TEX9: variants seen among roughly 807,000 people sequenced by gnomAD.
TEX9 encodes the protein testis-expressed protein 9.
Under a neutral mutation model 59.6 loss-of-function variants are expected in TEX9, and 74 were observed. That is an observed-to-expected ratio of 1.24 (90% CI 1.03 to 1.51). The LOEUF is 1.51. Ranked by LOEUF, TEX9 falls within the 40% of genes most tolerant of loss-of-function variation. The pLI is 0.00. For missense variants in TEX9, 522 were observed against 447.8 expected, an observed-to-expected ratio of 1.17 and a Z score of -1.49; for synonymous variants, 186 against 152.2, an observed-to-expected ratio of 1.22 and a Z score of -1.64.
At chr15:56,448,141 T>C (rs1261059368), downstream of TEX9, among the ~76,000 whole-genome samples, 1 of 152,240 alleles carries the variant, frequency 6.6e-6, no homozygotes, top group Non-Finnish European at 1.5e-5. Flanking sequence ...TCACAGGCTT[T>C]CATTTCTCTT....
chr15:56,403,009 C>G (rs907422610), intron 9 of TEX9, among the ~76,000 whole-genome samples: 4 of 152,166 alleles, frequency 2.6e-5, no homozygotes, highest in Admixed American at 6.5e-5. Flanking sequence ...CTATTTATGA[C>G]AAACCCACAG....
At chr15:56,380,699 T>C (rs908907124) in intron 3 of TEX9, among the ~76,000 whole-genome samples, 7 of 152,310 alleles carry the variant, frequency 4.6e-5, no homozygotes, top group Admixed American at 2.0e-4. Context: ...ATTCTAAGGT[T>C]AAAATCTATA....
intron 4 of TEX9, among the ~76,000 whole-genome samples, chr15:56,386,771 AGAT>A (rs1354701740): frequency 2.0e-5 from 3 of 151,944 alleles, no homozygotes; most frequent in African/African-American, 7.2e-5. Flanking sequence ...TGCTAACAAC[AGAT>A]GATGATGTTG....
rs774191123 is a variant in TEX9 at position 56,293,377 on chromosome 15, T to TA, written c.-107+49107dup. On this transcript the variant is annotated intron_variant, in intron 1 of 5. Coordinates refer to the TEX9 transcript ENST00000560827. ...AGTCCCTTCTTTGCCATCTAAAAAA[T>TA]AAAAAAAATAAAAAGAAGGAAAAAA... 3.5e-3 allele frequency among the ~76,000 whole-genome samples: 530 copies of TA among 150,822 alleles called. 4 individuals carry two copies. Among genetic ancestry groups the TA allele is most frequent in the Non-Finnish European group, 3.5e-3 (235 of 67,632 alleles).
intron 1 of TEX9, among the ~76,000 whole-genome samples, chr15:56,331,597 T>G (rs917033766): frequency 6.6e-6 from 1 of 152,058 alleles, no homozygotes; most frequent in African/African-American, 2.4e-5. Flanking sequence ...AAAAATTTCT[T>G]GAAACAAATA....
chr15:56,310,541 C>G (rs1243779210), intron 1 of TEX9, among the ~76,000 whole-genome samples: 1 of 152,186 alleles, frequency 6.6e-6, no homozygotes, highest in South Asian at 2.1e-4. Flanking sequence ...CCAAGTAGAG[C>G]TTGGTCAAGG....
At chr15:56,385,434 A>G (rs1395882588) in intron 4 of TEX9, among the ~76,000 whole-genome samples, 1 of 152,154 alleles carries the variant, frequency 6.6e-6, no homozygotes, top group Non-Finnish European at 1.5e-5. Context: ...CCTCAATGCA[A>G]GGATCAGATT....
chr15:56,313,102 T>C (rs575053706), intron 1 of TEX9, among the ~76,000 whole-genome samples: 13 of 151,338 alleles, frequency 8.6e-5, no homozygotes, highest in African/African-American at 2.4e-4. Flanking sequence ...CAGGGACAAT[T>C]TGACTTCCTC....
rs1165081795 is a variant in TEX9, at chr15:56,372,320, CT to C, written c.120-1112del. Among the ~76,000 whole-genome samples the C allele has an allele frequency of 1.4e-4, 21 of 151,092 alleles. No homozygotes were observed. The South Asian group carries it at 2.3e-3, about 17-fold the overall frequency. On this transcript the variant is annotated intron_variant, in intron 2 of 12. Coordinates refer to ENST00000352903, the Ensembl canonical transcript of TEX9. ...AAGGATATGGTACTAATCTCCCCCC[CT>C]TTTTTTTTCCCTGGGGGTGGAGATG...
intron 1 of TEX9, among the ~76,000 whole-genome samples, chr15:56,312,949 CTGT>C: frequency 7.6e-6 from 1 of 130,962 alleles, no homozygotes; most frequent in South Asian, 2.6e-4. Flanking sequence ...CTCTGTTTGT[CTGT>C]TGTTGGTGTA....
intron 10 of TEX9, among the ~76,000 whole-genome samples, chr15:56,426,626 T>TATATATATATATACACAC (rs1214988827): frequency 3.4e-4 from 16 of 47,190 alleles, no homozygotes; most frequent in Non-Finnish European, 7.1e-4. Context: ...TATATATATA[T>TATATATATATATACACAC]ACACACACAC....
At chr15:56,435,372 A>C (rs969313396) in intron 12 of TEX9, among the ~76,000 whole-genome samples, 4 of 152,020 alleles carry the variant, frequency 2.6e-5, no homozygotes, top group African/African-American at 9.7e-5. Context: ...TATTGGTGAA[A>C]CAAAAGGCTG....
chr15:56,436,265 CA>C (rs1310883693), intron 12 of TEX9, among the ~76,000 whole-genome samples: 1 of 152,146 alleles, frequency 6.6e-6, no homozygotes, highest in Non-Finnish European at 1.5e-5. Flanking sequence ...TCTCTCAGAC[CA>C]CAGTGCAATC....
At chr15:56,309,700 T>TTG (rs1369508726) in intron 1 of TEX9, among the ~76,000 whole-genome samples, 5 of 125,874 alleles carry the variant, frequency 4.0e-5, no homozygotes, top group African/African-American at 1.2e-4. Flanking sequence ...GAAGTTTTTT[T>TTG]TTTTTTTTTT....
At chr15:56,362,177 T>C (rs187530555), upstream of TEX9, among the ~76,000 whole-genome samples, 3 of 152,340 alleles carry the variant, frequency 2.0e-5, no homozygotes, top group Admixed American at 1.3e-4. Context: ...TCAAGCTAAT[T>C]GATGGTGCTG....
At chr15:56,369,306 C>T (rs1205854938) in intron 2 of TEX9, among the ~76,000 whole-genome samples, 2 of 151,748 alleles carry the variant, frequency 1.3e-5, no homozygotes, top group African/African-American at 2.4e-5. Flanking sequence ...TCTCCCACCC[C>T]AGCCTCCCGA....
intron 9 of TEX9, among the ~76,000 whole-genome samples, chr15:56,402,629 T>A (rs113991849): frequency 0.044 from 6,731 of 152,274 alleles, 224 homozygotes; most frequent in Admixed American, 0.087. Context: ...CCTCCCTAAC[T>A]CATTTTATGA....
In TEX9 at chr15:56,341,210, T is replaced by C. The variant is rs542367272; in HGVS notation, c.-106-32231T>C. On this transcript the variant is annotated intron_variant, in intron 1 of 5. Coordinates refer to the TEX9 transcript ENST00000560827. ...GAGCAATCACATTTAGCCTTTTTTT[T>C]CCTTCTCTTCAAAGCATTCATGGTG... 1.2e-4 allele frequency among the ~76,000 whole-genome samples: 19 copies of C among 152,232 alleles called. No individual in the cohort carries two copies. In the South Asian group the frequency reaches 1.9e-3, roughly 15 times the overall value.
exon 12 of TEX9, chr15:56,428,421 G>A (rs772688358): frequency 1.9e-6 from 3 of 1,611,838 alleles, no homozygotes; most frequent in Non-Finnish European, 2.5e-6. Flanking sequence ...ATTTATGAAA[G>A]CACTTGAATG....
Sources: allele counts gnomAD v4.1 joint callset (sites outside exome capture counted in the v4.1 genomes callset), GRCh38; gene constraint gnomAD v4.1.1; transcripts MANE v1.5; gene names NCBI Gene and HGNC (gene_info 2026-07-23, HGNC 2026-07-21).